TPRG1: variants seen among roughly 807,000 people sequenced by gnomAD.
TPRG1 encodes the protein tumor protein p63-regulated gene 1 protein.
In TPRG1, 29 loss-of-function variants were observed where a neutral mutation model predicts 29.3. That is an observed-to-expected ratio of 0.99 (90% CI 0.74 to 1.35). The LOEUF (loss-of-function observed/expected upper bound fraction) is 1.35. TPRG1 is among the 40% of genes most tolerant of loss of function. The pLI is 0.00. For synonymous variants in TPRG1, 130 were observed against 116.8 expected, an observed-to-expected ratio of 1.11 and a Z score of -0.73; for missense variants, 327 against 335.0, an observed-to-expected ratio of 0.98 and a Z score of 0.19.
chr3:189,146,662 C>G (rs1012356336), intron 3 of TPRG1, among the ~76,000 whole-genome samples: 4 of 152,254 alleles, frequency 2.6e-5, no homozygotes, highest in Admixed American at 2.0e-4. Context: ...AGGGCAGAGA[C>G]CATGTTTTAT....
chr3:189,287,898 G>C (rs1362021220), intron 4 of TPRG1, among the ~76,000 whole-genome samples: 1 of 152,102 alleles, frequency 6.6e-6, no homozygotes, highest in East Asian at 1.9e-4. Context: ...TTTGCGAAAA[G>C]ATTGAGAATT....
chr3:189,079,401 A>G (rs1028602414), intron 4 of TPRG1, among the ~76,000 whole-genome samples: 20 of 152,152 alleles, frequency 1.3e-4, no homozygotes, highest in Admixed American at 9.2e-4. Flanking sequence ...CTTGATTGTT[A>G]TCACCCTCTA....
chr3:189,190,687 A>AAATTGTGT (rs1280709204), intron 1 of TPRG1, among the ~76,000 whole-genome samples: 16 of 152,164 alleles, frequency 1.1e-4, no homozygotes, highest in Non-Finnish European at 2.4e-4. Context: ...ATCTTCACAA[A>AAATTGTGT]AATTGTGTAG....
chr3:189,130,636 TG>T (rs60866044), intron 2 of TPRG1, among the ~76,000 whole-genome samples: 10,060 of 152,262 alleles, frequency 0.066, 896 homozygotes, highest in African/African-American at 0.2. Context: ...TTCCCTTCTG[TG>T]AGTGTGAGGG....
intron 3 of TPRG1, among the ~76,000 whole-genome samples, chr3:189,009,755 C>T (rs377161677): frequency 6.6e-6 from 1 of 150,752 alleles, no homozygotes; most frequent in South Asian, 2.1e-4. Flanking sequence ...CTCAGGTGGT[C>T]GACACCCAGG....
In TPRG1 at chr3:189,273,052, C is replaced by A. The variant is rs1715498600; in HGVS notation, c.479+34143C>A. On this transcript the variant is annotated intron_variant, in intron 4 of 5. Coordinates refer to ENST00000345063, the MANE Select transcript of TPRG1 (RefSeq NM_198485.4). ...GTGAAAGAGAATCCACTGCTTCCTG[C>A]TCGGCCTCTCTGACTCTGGTAGAAT... is the stretch of plus-strand genomic sequence containing the variant. 3.3e-5 allele frequency among the ~76,000 whole-genome samples: 5 copies of A among 152,292 alleles called. 1 individual carries two copies. In the Middle Eastern group the frequency reaches 0.01, roughly 311 times the overall value.
At chr3:189,218,361 C>T (rs909845969) in intron 3 of TPRG1, among the ~76,000 whole-genome samples, 1 of 152,140 alleles carries the variant, frequency 6.6e-6, no homozygotes, top group Non-Finnish European at 1.5e-5. Flanking sequence ...CGTGATCCGC[C>T]TGCCTCGGCC....
intron 4 of TPRG1, among the ~76,000 whole-genome samples, chr3:189,086,457 C>T (rs1334967606): frequency 1.3e-5 from 2 of 151,842 alleles, no homozygotes; most frequent in African/African-American, 2.4e-5. Flanking sequence ...CTTCTGGGCT[C>T]AAGCAATCCT....
At chr3:189,186,606 T>C (rs893614966) in intron 1 of TPRG1, among the ~76,000 whole-genome samples, 3 of 152,084 alleles carry the variant, frequency 2.0e-5, no homozygotes, top group Admixed American at 6.5e-5. Flanking sequence ...ATTGATTTGG[T>C]ATTTGACCTG....
At chr3:189,293,515 A>G (rs1719365295) in intron 4 of TPRG1, among the ~76,000 whole-genome samples, 1 of 152,072 alleles carries the variant, frequency 6.6e-6, no homozygotes, top group South Asian at 2.1e-4. Flanking sequence ...CCTACCCCAC[A>G]GATTCCTGCA....
At chr3:189,178,718 A>G (rs1424507089) in intron 1 of TPRG1, among the ~76,000 whole-genome samples, 1 of 152,206 alleles carries the variant, frequency 6.6e-6, no homozygotes, top group Admixed American at 6.5e-5. Context: ...CCTGGTTTCT[A>G]AAAGTTGAGT....
rs1577063273 is a variant in TPRG1 at position 189,320,632 on chromosome 3, G to A, written c.640G>A (p.Gly214Arg). The stretch of plus-strand genomic sequence containing the variant: ...TTCTTTTTTTCTTCTTCAGTTGTCT[G>A]GGTTCATGTCTAAGCTTGTTCCAGC... Reference protein sequence around the residue: ...EKFLEICKLSGFMSKLVPAIQ... With the variant: ...EKFLEICKLSRFMSKLVPAIQ... Residue 214 changes from glycine to arginine, a missense_variant, in exon 6 of 6, where the codon GGG becomes AGG. Coordinates refer to ENST00000345063, the MANE Select transcript of TPRG1 (RefSeq NM_198485.4). 6.2e-7 allele frequency: 1 copy of A among 1,601,556 alleles called. No homozygotes were observed. Among genetic ancestry groups the A allele is most frequent in the East Asian group, 2.2e-5 (1 of 44,468 alleles).
At chr3:189,308,212 A>C (rs1365562171) in intron 4 of TPRG1, among the ~76,000 whole-genome samples, 1 of 152,200 alleles carries the variant, frequency 6.6e-6, no homozygotes, top group Non-Finnish European at 1.5e-5. Context: ...TCAGAAAGAG[A>C]AATAAGCTTG....
At chr3:189,261,577 C>A (rs781637065) in intron 4 of TPRG1, among the ~76,000 whole-genome samples, 1 of 152,130 alleles carries the variant, frequency 6.6e-6, no homozygotes, top group Non-Finnish European at 1.5e-5. Flanking sequence ...CCATTGTGTA[C>A]GACAGAGTGG....
At chr3:189,093,224 GAGA>G (rs1338308568) in intron 4 of TPRG1, among the ~76,000 whole-genome samples, 1 of 152,078 alleles carries the variant, frequency 6.6e-6, no homozygotes, top group Non-Finnish European at 1.5e-5. Context: ...AAAGATGAAG[GAGA>G]AGATTAATGG....
intron 4 of TPRG1, among the ~76,000 whole-genome samples, chr3:189,286,424 G>C (rs952722489): frequency 6.6e-6 from 1 of 152,100 alleles, no homozygotes. Context: ...TGCATCCTCT[G>C]TGTCTACAAC....
At chr3:189,307,183 C>T (rs570296008) in intron 4 of TPRG1, among the ~76,000 whole-genome samples, 47 of 152,180 alleles carry the variant, frequency 3.1e-4, no homozygotes, top group Non-Finnish European at 1.2e-4. Flanking sequence ...CCACCACACC[C>T]GGCTAATTTT....
intron 1 of TPRG1, among the ~76,000 whole-genome samples, chr3:189,186,164 A>G (rs1046655819): frequency 6.6e-6 from 1 of 152,354 alleles, no homozygotes; most frequent in South Asian, 2.1e-4. Context: ...TAAACACTAA[A>G]TGGAAGTTTT....
chr3:189,034,759 T>C (rs936648381), intron 4 of TPRG1, among the ~76,000 whole-genome samples: 19 of 152,244 alleles, frequency 1.2e-4, no homozygotes, highest in African/African-American at 4.3e-4. Context: ...TTACACCAAT[T>C]ACACAACACT....
Sources: gnomAD v4.1 joint callset for allele counts (sites outside exome capture counted in the v4.1 genomes callset) on GRCh38, gnomAD v4.1.1 for gene constraint, MANE v1.5 for transcripts, NCBI Gene and HGNC (gene_info 2026-07-23, HGNC 2026-07-21) for gene names.